Variants in ENG observed in about 807,000 individuals in gnomAD.
ENG encodes CD105 antigen.
Under a neutral mutation model 71.0 loss-of-function variants are expected in ENG, and 17 were observed. The ratio of observed to expected loss-of-function variants is 0.24; its 90% CI spans 0.16 to 0.36. The LOEUF is 0.36. Among genes scored for constraint, ENG ranks in the 10% least tolerant of loss-of-function variants. The pLI is 1.00. For synonymous variants in ENG, 360 were observed against 366.9 expected, an observed-to-expected ratio of 0.98 and a Z score of 0.21; for missense variants, 749 against 868.3, an observed-to-expected ratio of 0.86 and a Z score of 1.73.
intron 2 of ENG, among the ~76,000 whole-genome samples, chr9:127,839,434 C>G (rs946893438): frequency 3.9e-5 from 6 of 152,196 alleles, no homozygotes; most frequent in Non-Finnish European, 5.9e-5. Context: ...GCATCATGGG[C>G]TCAACCCTCA....
At chr9:127,826,426 C>T in intron 4 of ENG, 84 bp downstream of exon 4, 5 of 1,570,008 alleles carry the variant, frequency 3.2e-6, no homozygotes, top group Admixed American at 1.7e-5. Flanking sequence ...ACTCTTGGTG[C>T]CCAAGTTTGA....
chr9:127,821,744 G>A (rs1389480746), intron 8 of ENG, among the ~76,000 whole-genome samples: 1 of 151,886 alleles, frequency 6.6e-6, no homozygotes, highest in Non-Finnish European at 1.5e-5. Flanking sequence ...TAAGCCAAGA[G>A]TGGTGGTGGG....
At chr9:127,841,153 G>C (rs1457540155) in intron 2 of ENG, 1 of 152,348 alleles carries the variant, frequency 6.6e-6, no homozygotes, top group African/African-American at 2.4e-5. Flanking sequence ...TCTTCCTCCA[G>C]GCCCAAGTCT....
chr9:127,819,632 G>A lies in ENG; in HGVS notation c.1301C>T (p.Ser434Leu). The change falls in exon 10 of 15, where the codon TCA becomes TTA. Residue 434 changes from serine to leucine, a missense_variant. By Grantham distance (145) the Ser-to-Leu change is moderately radical. Coordinates refer to ENST00000373203, the MANE Select transcript of ENG (RefSeq NM_001114753.3). ...EAVVNILSSS[S>L]PQRKKVHCLN... The stretch of plus-strand genomic sequence containing the variant: ...GACTGTCCATCTCACCCGCTGTGGT[G>A]ATGAGCTCGACAGGATATTGACCAC... 6.2e-7 allele frequency: 1 copy of A among 1,612,820 alleles called. No individual in the cohort carries two copies. The highest frequency in any genetic ancestry group is 8.5e-7 in the Non-Finnish European group (1 of 1,179,580).
At chr9:127,849,471 C>A (rs938917089) in intron 1 of ENG, among the ~76,000 whole-genome samples, 12 of 152,264 alleles carry the variant, frequency 7.9e-5, no homozygotes, top group Non-Finnish European at 1.6e-4. Context: ...CACATCAAGT[C>A]CCCCCACCAT....
intron 1 of ENG, among the ~76,000 whole-genome samples, chr9:127,847,813 C>T (rs1259973391): frequency 1.3e-5 from 2 of 152,142 alleles, no homozygotes; most frequent in African/African-American, 2.4e-5. Context: ...CAATTACAGC[C>T]TCACAGGTTT....
At chr9:127,820,190 C>T (rs999922610) in intron 8 of ENG, among the ~76,000 whole-genome samples, 153 bp from the exon 9 acceptor site, 3 of 152,146 alleles carry the variant, frequency 2.0e-5, no homozygotes, top group Admixed American at 1.3e-4. Flanking sequence ...TGTCATCATC[C>T]TACACCACTT....
At chr9:127,821,880 T>TAAAA (rs34166162) in intron 8 of ENG, among the ~76,000 whole-genome samples, 1 of 53,044 alleles carries the variant, frequency 1.9e-5, no homozygotes, top group Admixed American at 2.5e-4. Flanking sequence ...GAGACTGTCT[T>TAAAA]AAAAAAAAAA....
At chr9:127,820,383 T>C (rs1286832299) in intron 8 of ENG, among the ~76,000 whole-genome samples, 3 of 151,222 alleles carry the variant, frequency 2.0e-5, no homozygotes, top group Admixed American at 1.3e-4. Flanking sequence ...TTAGTAGAGA[T>C]AGGGTTTCAC....
chr9:127,835,028 G>T (rs1318379760), intron 2 of ENG, among the ~76,000 whole-genome samples: 4 of 151,870 alleles, frequency 2.6e-5, no homozygotes, highest in Middle Eastern at 3.4e-3. Flanking sequence ...TTAAGACAGG[G>T]TCTCCCTCTG....
intron 2 of ENG, among the ~76,000 whole-genome samples, chr9:127,830,073 G>A (rs530421223): frequency 6.6e-6 from 1 of 152,278 alleles, no homozygotes; most frequent in Admixed American, 6.5e-5. Context: ...TGGGCACGGT[G>A]GCTCACGTCT....
chr9:127,824,837 C>G lies in ENG; in HGVS notation c.954G>C (p.Pro318=), dbSNP rs149590262. The G allele has an allele frequency of 1.3e-6, 2 of 1,594,504 alleles. No individual in the cohort carries two copies. The highest frequency in any genetic ancestry group is 3.5e-5 in the Admixed American group (2 of 56,850). The part of the protein sequence containing the change: ...ASIVASFVEL[P]LASIVSLHAS... ...CATGAAGTGAGACAATGCTGGCCAG[C>G]GGTAGCTCCACGAAGGATGCCACAA... is the stretch of plus-strand genomic sequence containing the variant. Residue 318 remains proline, a synonymous_variant, in exon 7 of 15, where the codon CCG becomes CCC. Transcript: ENST00000373203.
chr9:127,844,251 G>A (rs563744017), intron 1 of ENG, among the ~76,000 whole-genome samples: 221 of 150,700 alleles, frequency 1.5e-3, no homozygotes, highest in Admixed American at 1.8e-3. Context: ...TCAGCCTCCC[G>A]AGCAGCTAGG....
chr9:127,825,167 A>G, intron 6 of ENG, 64 bp downstream of exon 6: 1 of 1,612,608 alleles, frequency 6.2e-7, no homozygotes, highest in Non-Finnish European at 8.5e-7. Flanking sequence ...CCTTTCCAGG[A>G]AACTTCCCTG....
chr9:127,816,165 C>T (rs996089843), intron 13 of ENG, 112 bp from the exon 14 acceptor site: 5 of 1,342,262 alleles, frequency 3.7e-6, no homozygotes, highest in East Asian at 2.5e-5. Flanking sequence ...CATGGACCCT[C>T]GACTTCTCTG....
intron 2 of ENG, among the ~76,000 whole-genome samples, chr9:127,832,069 CTTTTTTT>C (rs1041729379): frequency 3.3e-4 from 28 of 83,620 alleles, no homozygotes; most frequent in South Asian, 1.9e-3. Flanking sequence ...AGCTACCATT[CTTTTTTT>C]TTTTTTTTTT....
chr9:127,825,592 A>G (rs1007648413), intron 5 of ENG, 103 bp downstream of exon 5: 5 of 1,081,820 alleles, frequency 4.6e-6, no homozygotes, highest in African/African-American at 2.1e-5. Flanking sequence ...TGGGGCTGGG[A>G]CTGGGGTGGG....
rs1443740402 is a variant in ENG, at chr9:127,846,328, G to A, written c.68-3083C>T. On this transcript the variant is annotated intron_variant, in intron 1 of 14. Coordinates refer to ENST00000373203, the MANE Select transcript of ENG (RefSeq NM_001114753.3). The surrounding 1 kb of genome is among the most constrained non-coding windows in gnomAD (Gnocchi z 5.5). The stretch of plus-strand genomic sequence containing the variant: ...TACTCAGATGGGGAGACTGAGGTCT[G>A]GAGGGACGGGACAGGTCAAAGTCTC... 2.0e-5 allele frequency among the ~76,000 whole-genome samples: 3 copies of A among 152,222 alleles called. No homozygotes were observed. Among genetic ancestry groups the A allele is most frequent in the Non-Finnish European group, 4.4e-5 (3 of 68,042 alleles).
intron 2 of ENG, among the ~76,000 whole-genome samples, chr9:127,832,318 G>GCC (rs1830786728): frequency 6.6e-6 from 1 of 150,968 alleles, no homozygotes; most frequent in Non-Finnish European, 1.5e-5. Context: ...CAAATGATCT[G>GCC]CCCGCCTCGG....
Sources: gnomAD v4.1 joint callset for allele counts (sites outside exome capture counted in the v4.1 genomes callset) on GRCh38, gnomAD v4.1.1 for gene constraint, Gnocchi (gnomAD v3.1) non-coding constraint, MANE v1.5 for transcripts, NCBI Gene and HGNC (gene_info 2026-07-23, HGNC 2026-07-21) for gene names.